Variants in KIF6 observed in about 807,000 individuals in gnomAD.
KIF6 encodes kinesin-like protein KIF6.
Under a neutral mutation model 112.7 loss-of-function variants are expected in KIF6, and 106 were observed. That is an observed-to-expected ratio of 0.94 (90% CI 0.80 to 1.11). The LOEUF is 1.11. KIF6 is among the 50% of genes least tolerant of loss of function. KIF6 has a pLI of 0.00. For synonymous variants in KIF6, 339 were observed against 339.9 expected, an observed-to-expected ratio of 1.00 and a Z score of 0.03; for missense variants, 929 against 964.0, an observed-to-expected ratio of 0.96 and a Z score of 0.48.
chr6:39,470,971 T>A (rs567257519), intron 13 of KIF6, among the ~76,000 whole-genome samples: 36 of 152,328 alleles, frequency 2.4e-4, no homozygotes, highest in Admixed American at 5.2e-4. Flanking sequence ...ATAATAAAAC[T>A]TAACATTGAG....
At chr6:39,531,099 C>A (rs891219323) in intron 13 of KIF6, among the ~76,000 whole-genome samples, 1 of 152,092 alleles carries the variant, frequency 6.6e-6, no homozygotes, top group Non-Finnish European at 1.5e-5. Context: ...GTGAGCCTAC[C>A]TCTGCTTAAA....
chr6:39,473,344 G>T (rs1006139937), intron 13 of KIF6, among the ~76,000 whole-genome samples: 1 of 152,016 alleles, frequency 6.6e-6, no homozygotes, highest in East Asian at 1.9e-4. Context: ...GAACATGTGC[G>T]ACAAAACCTT....
At position 39,334,368 on chromosome 6, in the gene KIF6, G is replaced by A. The variant is rs1158408296; in HGVS notation, c.*2164C>T. The A allele has an allele frequency of 6.6e-6, 1 of 152,304 alleles. No homozygotes were observed. The highest frequency in any genetic ancestry group is 1.5e-5 in the Non-Finnish European group (1 of 68,112). 9.4% of individuals were successfully genotyped at this position (152,304 alleles called of 1,614,324 possible). ...GGCCAAGGCGGGAGCATCGCTTAAGGCCAGGAATTTGAGACCATCCTGAGC... is the reference window on the plus strand; with the variant it reads ...GGCCAAGGCGGGAGCATCGCTTAAGACCAGGAATTTGAGACCATCCTGAGC... On this transcript the variant is annotated 3_prime_UTR_variant, in exon 23 of 23. Coordinates refer to ENST00000287152, the MANE Select transcript of KIF6 (RefSeq NM_145027.6).
At chr6:39,708,925 C>T (rs548430614) in intron 3 of KIF6, among the ~76,000 whole-genome samples, 35 of 151,764 alleles carry the variant, frequency 2.3e-4, no homozygotes, top group African/African-American at 8.4e-4. Context: ...ACAAGACGCT[C>T]TTTTGTATAC....
chr6:39,517,557 T>C (rs552900919), intron 13 of KIF6, among the ~76,000 whole-genome samples: 9 of 152,262 alleles, frequency 5.9e-5, no homozygotes, highest in African/African-American at 1.7e-4. Flanking sequence ...AACAAAACTA[T>C]TCCACAAAAA....
intron 6 of KIF6, among the ~76,000 whole-genome samples, chr6:39,597,037 T>G (rs1482118737): frequency 2.0e-5 from 3 of 152,104 alleles, no homozygotes; most frequent in Admixed American, 2.0e-4. Flanking sequence ...GGAAAAATGG[T>G]AAGATAATAT....
intron 13 of KIF6, among the ~76,000 whole-genome samples, chr6:39,536,859 TA>T (rs1778461320): frequency 6.6e-6 from 1 of 152,202 alleles, no homozygotes; most frequent in Non-Finnish European, 1.5e-5. Context: ...TCAAAAAGCT[TA>T]TCCACCATGA....
At chr6:39,700,210 T>G (rs1039933742) in intron 3 of KIF6, among the ~76,000 whole-genome samples, 6 of 152,236 alleles carry the variant, frequency 3.9e-5, no homozygotes, top group African/African-American at 1.4e-4. Flanking sequence ...TTGACTATAG[T>G]CACCCTGTTG....
intron 3 of KIF6, among the ~76,000 whole-genome samples, chr6:39,679,591 C>A (rs1375674862): frequency 6.6e-6 from 1 of 150,588 alleles, no homozygotes; most frequent in African/African-American, 2.4e-5. Context: ...ATAGATAATA[C>A]ATGGCAGGGT....
chr6:39,690,973 TAC>T lies in KIF6; in HGVS notation c.251+23717_251+23718del, dbSNP rs557262544. On this transcript the variant is annotated intron_variant, in intron 3 of 22. Coordinates refer to ENST00000287152, the MANE Select transcript of KIF6 (RefSeq NM_145027.6). Reference sequence around the variant, plus strand: ...TTTTACATAGGGTTGTCCAATAAAATACAGTTAAATTTGAATTTCAGAGAAAC... The same window carrying T: ...TTTTACATAGGGTTGTCCAATAAAATAGTTAAATTTGAATTTCAGAGAAAC... 143 of 152,336 alleles carry T rather than the reference TAC, an allele frequency of 9.4e-4. 1 individual carries two copies. Among genetic ancestry groups the T allele is most frequent in the African/African-American group, 3.1e-3 (130 of 41,590 alleles). 9.4% of individuals were successfully genotyped at this position (152,336 alleles called of 1,614,324 possible). A position where few individuals can be genotyped will look rare whatever the true frequency, so the allele number is the denominator to read the frequency against.
At chr6:39,701,505 T>C (rs748677448) in intron 3 of KIF6, among the ~76,000 whole-genome samples, 2 of 152,246 alleles carry the variant, frequency 1.3e-5, no homozygotes, top group Non-Finnish European at 2.9e-5. Context: ...TTGCGTGTGC[T>C]GCTGCTCCAC....
intron 6 of KIF6, among the ~76,000 whole-genome samples, chr6:39,597,673 C>T (rs1192424055): frequency 6.6e-6 from 1 of 152,088 alleles, no homozygotes; most frequent in Non-Finnish European, 1.5e-5. Flanking sequence ...GCACCAATAC[C>T]ATAAAACATG....
rs930551095 is a variant in KIF6, at chr6:39,401,328, C to A, written c.1811-15656G>T. On this transcript the variant is annotated intron_variant, in intron 15 of 22. Transcript: ENST00000287152. Reference sequence around the variant, plus strand: ...TTATCTCAGAGGTAACACCCCATACCCCCTATCTTAGTGTGGTTTCTCCTG... The same window carrying A: ...TTATCTCAGAGGTAACACCCCATACACCCTATCTTAGTGTGGTTTCTCCTG... Among the ~76,000 whole-genome samples, 3 of 152,284 alleles carry A rather than the reference C, an allele frequency of 2.0e-5. No individual in the cohort carries two copies. The East Asian group carries it at 5.8e-4, about 29-fold the overall frequency.
intron 13 of KIF6, among the ~76,000 whole-genome samples, chr6:39,507,029 G>A (rs1047546125): frequency 7.2e-5 from 11 of 152,268 alleles, no homozygotes; most frequent in South Asian, 4.1e-4. Flanking sequence ...TGTAAGTGAA[G>A]TAACTTCTTG....
intron 5 of KIF6, among the ~76,000 whole-genome samples, chr6:39,621,135 A>G (rs758949433): frequency 5.3e-5 from 8 of 151,790 alleles, no homozygotes; most frequent in Non-Finnish European, 1.0e-4. Flanking sequence ...TATTTTAACC[A>G]TTCCTTTATG....
chr6:39,391,172 C>A (rs1368630567), intron 15 of KIF6, among the ~76,000 whole-genome samples: 1 of 152,136 alleles, frequency 6.6e-6, no homozygotes, highest in Non-Finnish European at 1.5e-5. Context: ...GATTATGAGA[C>A]ATATTTCTGA....
chr6:39,549,916 T>C (rs796435825), intron 10 of KIF6, among the ~76,000 whole-genome samples: 83 of 152,072 alleles, frequency 5.5e-4, no homozygotes, highest in African/African-American at 1.9e-3. Context: ...AAGTACACTG[T>C]AACACACATA....
At chr6:39,593,339 C>T (rs1028102268) in intron 7 of KIF6, among the ~76,000 whole-genome samples, 1 of 152,166 alleles carries the variant, frequency 6.6e-6, no homozygotes, top group Non-Finnish European at 1.5e-5. Flanking sequence ...TTCCCACTCT[C>T]TTTATTATTC....
intron 9 of KIF6, 46 bp from the exon 10 acceptor site, chr6:39,578,205 G>C: frequency 8.2e-7 from 1 of 1,217,840 alleles, no homozygotes; most frequent in Non-Finnish European, 1.2e-6. Context: ...TCTCATTAAG[G>C]TGAACTTGGT....
Sources: gnomAD v4.1 joint callset for allele counts (sites outside exome capture counted in the v4.1 genomes callset) on GRCh38, gnomAD v4.1.1 for gene constraint, MANE v1.5 for transcripts, NCBI Gene and HGNC (gene_info 2026-07-23, HGNC 2026-07-21) for gene names.